The following FOXP1 variants were observed in gnomAD, a reference collection of about 807,000 sequenced individuals.
FOXP1 encodes the protein forkhead box P1.
FOXP1 carries 15 observed loss-of-function variants against 98.2 expected under a neutral mutation model. That is an observed-to-expected ratio of 0.15 (90% CI 0.10 to 0.24). FOXP1 has a LOEUF of 0.24. Ranked by LOEUF, FOXP1 falls within the 10% of genes least tolerant of loss-of-function variation. FOXP1 has a pLI of 1.00. For synonymous variants in FOXP1, 371 were observed against 314.5 expected (o/e 1.18, Z -1.90); for missense variants, 633 against 848.5 (o/e 0.75, Z 3.15).
At chr3:71,405,309 A>G (rs1241170876) in intron 3 of FOXP1, among the ~76,000 whole-genome samples, 1 of 152,260 alleles carries the variant, frequency 6.6e-6, no homozygotes, top group Non-Finnish European at 1.5e-5. Flanking sequence ...TGTAAGGTGT[A>G]TAAGTTAGCC....
intron 13 of FOXP1, among the ~76,000 whole-genome samples, chr3:70,998,195 C>T (rs374016316): frequency 2.0e-5 from 3 of 152,282 alleles, no homozygotes; most frequent in East Asian, 3.9e-4. Context: ...TTCAGCTTTG[C>T]AGGCCATGTA....
At chr3:71,277,261 CTT>C (rs34816352) in intron 5 of FOXP1, among the ~76,000 whole-genome samples, 258 of 133,630 alleles carry the variant, frequency 1.9e-3, no homozygotes, top group Admixed American at 2.0e-3. Flanking sequence ...CCTGGCTGAA[CTT>C]TTTTTTTTTT....
chr3:71,476,508 C>T (rs1008360232), intron 3 of FOXP1, among the ~76,000 whole-genome samples: 2 of 151,966 alleles, frequency 1.3e-5, no homozygotes, highest in African/African-American at 4.8e-5. Context: ...AATGAGTCCT[C>T]GGGTTATGGG....
intron 5 of FOXP1, among the ~76,000 whole-genome samples, chr3:71,283,650 T>C (rs972812513): frequency 3.9e-5 from 6 of 152,200 alleles, no homozygotes; most frequent in African/African-American, 1.2e-4. Context: ...GCTAAGTGCA[T>C]TGCTCAGTGA....
At chr3:70,995,392 G>T (rs1008686564) in intron 13 of FOXP1, among the ~76,000 whole-genome samples, 1 of 152,124 alleles carries the variant, frequency 6.6e-6, no homozygotes, top group African/African-American at 2.4e-5. Flanking sequence ...TTCATAACCT[G>T]TATAAGATTA....
intron 2 of FOXP1, among the ~76,000 whole-genome samples, chr3:71,577,433 C>T (rs975996185): frequency 3.3e-5 from 5 of 151,064 alleles, no homozygotes; most frequent in East Asian, 1.9e-4. Flanking sequence ...AAACTACAAA[C>T]GTCCCAGGAA....
intron 5 of FOXP1, among the ~76,000 whole-genome samples, chr3:71,199,258 C>T (rs1278961309): frequency 6.6e-6 from 1 of 151,970 alleles, no homozygotes; most frequent in Non-Finnish European, 1.5e-5. Context: ...ATGCCCACCA[C>T]CAGGCCCAGC....
At chr3:70,982,115 T>C (rs2038973055) in intron 14 of FOXP1, among the ~76,000 whole-genome samples, 1 of 152,184 alleles carries the variant, frequency 6.6e-6, no homozygotes, top group Non-Finnish European at 1.5e-5. Context: ...GCAGGCTCTG[T>C]GTTCAAACCA....
At chr3:71,191,385 G>C (rs1459908818) in intron 6 of FOXP1, among the ~76,000 whole-genome samples, 1 of 152,146 alleles carries the variant, frequency 6.6e-6, no homozygotes, top group Non-Finnish European at 1.5e-5. Context: ...TAGCTCACCG[G>C]TCAGGGCTTA....
At chr3:71,468,813 C>T (rs2089041050) in intron 3 of FOXP1, among the ~76,000 whole-genome samples, 1 of 152,146 alleles carries the variant, frequency 6.6e-6, no homozygotes, top group African/African-American at 2.4e-5. Context: ...TCACTGCTGA[C>T]ACAAGCATCA....
intron 5 of FOXP1, among the ~76,000 whole-genome samples, chr3:71,265,682 G>C (rs1035739379): frequency 2.0e-5 from 3 of 152,200 alleles, no homozygotes; most frequent in African/African-American, 4.8e-5. Flanking sequence ...TCTTGCCCTA[G>C]TAATGTACAC....
chr3:71,541,608 A>G (rs1042803987), intron 2 of FOXP1, among the ~76,000 whole-genome samples: 1 of 152,194 alleles, frequency 6.6e-6, no homozygotes, highest in Non-Finnish European at 1.5e-5. Context: ...GATACAGCAA[A>G]ATGTCACAGA....
At chr3:71,444,553 G>A (rs2086239664) in intron 3 of FOXP1, among the ~76,000 whole-genome samples, 2 of 152,100 alleles carry the variant, frequency 1.3e-5, no homozygotes, top group South Asian at 2.1e-4. Flanking sequence ...ACAGGAAAGG[G>A]GAGAAAAGAG....
chr3:71,436,460 C>T (rs1297904848), intron 3 of FOXP1, among the ~76,000 whole-genome samples: 1 of 133,948 alleles, frequency 7.5e-6, no homozygotes, highest in African/African-American at 2.9e-5. Flanking sequence ...GGATTTAACA[C>T]TGCAGTCCAC....
intron 3 of FOXP1, among the ~76,000 whole-genome samples, chr3:71,461,865 C>A (rs548766951): frequency 6.9e-6 from 1 of 145,806 alleles, no homozygotes; most frequent in South Asian, 2.1e-4. Context: ...TCTGGTATCA[C>A]AGTGTAAAGT....
intron 6 of FOXP1, among the ~76,000 whole-genome samples, chr3:71,174,503 T>C (rs2061815132): frequency 6.6e-6 from 1 of 152,106 alleles, no homozygotes; most frequent in Non-Finnish European, 1.5e-5. Context: ...TATGTATGAA[T>C]TGTTGTTGTT....
At chr3:71,135,660 A>G (rs1175278221) in intron 6 of FOXP1, among the ~76,000 whole-genome samples, 1 of 152,186 alleles carries the variant, frequency 6.6e-6, no homozygotes, top group Admixed American at 6.5e-5. Flanking sequence ...CTGAACTGCA[A>G]ACAACCCAGA....
At position 71,343,446 on chromosome 3, in the gene FOXP1, G is replaced by T. The variant is rs186698667; in HGVS notation, c.-73+15704C>A. ...AGCTGGATCTTACACCAATATCTAA[G>T]AATAATCTTACACTTTAAATGGCTT... On this transcript the variant is annotated intron_variant, in intron 4 of 20. Coordinates refer to ENST00000649528, the MANE Select transcript of FOXP1 (RefSeq NM_001349338.3). Among the ~76,000 whole-genome samples the T allele has an allele frequency of 2.4e-4, 36 of 151,814 alleles. No homozygotes were observed. The East Asian group carries it at 7.0e-3, about 29-fold the overall frequency.
chr3:71,108,267 C>T (rs2107714162), intron 7 of FOXP1, among the ~76,000 whole-genome samples: 1 of 152,318 alleles, frequency 6.6e-6, no homozygotes, highest in East Asian at 1.9e-4. Context: ...GTGCCAACAA[C>T]TAAAATGCTT....
Sources: allele counts gnomAD v4.1 joint callset (sites outside exome capture counted in the v4.1 genomes callset), GRCh38; gene constraint gnomAD v4.1.1; transcripts MANE v1.5; gene names NCBI Gene and HGNC (gene_info 2026-07-23, HGNC 2026-07-21).